Variants in LINGO2 observed in about 807,000 individuals in gnomAD.
The protein encoded by LINGO2 is leucine-rich repeat and immunoglobulin-like domain-containing nogo receptor-interacting protein 2.
A neutral mutation model predicts 30.6 loss-of-function variants in LINGO2; 14 were observed. The ratio of observed to expected loss-of-function variants is 0.46; its 90% CI spans 0.30 to 0.72. The LOEUF is 0.72. LINGO2 is among the 30% of genes least tolerant of loss of function. The probability of loss-of-function intolerance (pLI) is 0.07; values close to 1 mark genes in which losing one functional copy is unlikely to be tolerated. For synonymous variants in LINGO2, 317 were observed against 288.5 expected, an observed-to-expected ratio of 1.10 and a Z score of -1.00; for missense variants, 729 against 751.7, an observed-to-expected ratio of 0.97 and a Z score of 0.35.
chr9:28,275,790 CTA>C (rs745679568), intron 4 of LINGO2, among the ~76,000 whole-genome samples: 9 of 152,086 alleles, frequency 5.9e-5, no homozygotes, highest in Non-Finnish European at 1.0e-4. Context: ...AATGTTTTTT[CTA>C]TCTTTATGTA....
intron 4 of LINGO2, among the ~76,000 whole-genome samples, chr9:28,174,007 G>C (rs1828674477): frequency 6.6e-6 from 1 of 152,122 alleles, no homozygotes; most frequent in African/African-American, 2.4e-5. Flanking sequence ...GTTATATAAA[G>C]TTGAGGTCTT....
At chr9:28,621,893 A>G (rs1328502043) in intron 1 of LINGO2, among the ~76,000 whole-genome samples, 1 of 152,114 alleles carries the variant, frequency 6.6e-6, no homozygotes, top group Non-Finnish European at 1.5e-5. Flanking sequence ...AAAAATGCTA[A>G]TGATCACCTG....
chr9:28,271,879 A>G (rs1024506045), intron 4 of LINGO2, among the ~76,000 whole-genome samples: 29 of 152,204 alleles, frequency 1.9e-4, no homozygotes, highest in African/African-American at 7.0e-4. Flanking sequence ...AACAGTCCTT[A>G]TCTCAGGCCT....
chr9:28,957,529 C>T, the LINGO2 span, among the ~76,000 whole-genome samples: 2 of 152,230 alleles, frequency 1.3e-5, no homozygotes, highest in Non-Finnish European at 2.9e-5. Flanking sequence ...TGATTATTGT[C>T]TATCTCTTAA....
chr9:28,625,684 T>C (rs1211155302), intron 1 of LINGO2, among the ~76,000 whole-genome samples: 2 of 152,142 alleles, frequency 1.3e-5, no homozygotes, highest in African/African-American at 2.4e-5. Context: ...TTAAGTAGTA[T>C]TTCATTATGG....
chr9:28,662,351 C>CT (rs1389343654), intron 1 of LINGO2, among the ~76,000 whole-genome samples: 2 of 152,072 alleles, frequency 1.3e-5, no homozygotes, highest in Non-Finnish European at 2.9e-5. Context: ...GGAATTGATG[C>CT]TTTTTTATTA....
chr9:28,219,985 G>A (rs1820900208), intron 4 of LINGO2, among the ~76,000 whole-genome samples: 1 of 152,046 alleles, frequency 6.6e-6, no homozygotes, highest in African/African-American at 2.4e-5. Context: ...AACTAGGATG[G>A]TTACATGTAT....
At chr9:28,652,173 C>T (rs528970409) in intron 1 of LINGO2, among the ~76,000 whole-genome samples, 1 of 152,112 alleles carries the variant, frequency 6.6e-6, no homozygotes, top group Admixed American at 6.6e-5. Context: ...TCTCACTTCT[C>T]CCTCCCTAAT....
the LINGO2 span, among the ~76,000 whole-genome samples, chr9:29,145,691 A>T: frequency 1.3e-5 from 2 of 152,200 alleles, no homozygotes; most frequent in African/African-American, 4.8e-5. Flanking sequence ...TCAGTGTGAT[A>T]AATCATGAGT....
At chr9:28,533,721 G>A (rs1317833028) in intron 1 of LINGO2, among the ~76,000 whole-genome samples, 1 of 152,144 alleles carries the variant, frequency 6.6e-6, no homozygotes, top group Non-Finnish European at 1.5e-5. Flanking sequence ...AAGAAGGCTT[G>A]AATCTAGTGG....
intron 5 of LINGO2, among the ~76,000 whole-genome samples, chr9:27,972,710 G>A (rs1820414395): frequency 6.6e-6 from 1 of 152,178 alleles, no homozygotes; most frequent in South Asian, 2.1e-4. Context: ...TACCACAGGA[G>A]TCAGAAGTTA....
chr9:28,378,565 C>T (rs1237887299), intron 2 of LINGO2, among the ~76,000 whole-genome samples: 1 of 152,120 alleles, frequency 6.6e-6, no homozygotes, highest in Non-Finnish European at 1.5e-5. Flanking sequence ...TTCCAGACTT[C>T]CAGAAACTCT....
chr9:28,365,425 G>C (rs920019421), intron 3 of LINGO2, among the ~76,000 whole-genome samples: 13 of 152,280 alleles, frequency 8.5e-5, no homozygotes, highest in African/African-American at 3.1e-4. Context: ...CTGTGCTGCA[G>C]AGGCGACCCT....
At chr9:27,975,717 C>T (rs932654045) in intron 5 of LINGO2, among the ~76,000 whole-genome samples, 1 of 152,038 alleles carries the variant, frequency 6.6e-6, no homozygotes, top group Non-Finnish European at 1.5e-5. Flanking sequence ...TGGTTCAAAA[C>T]ACTGTTATGT....
chr9:29,000,284 T>C, the LINGO2 span, among the ~76,000 whole-genome samples: 4 of 151,946 alleles, frequency 2.6e-5, no homozygotes, highest in African/African-American at 9.7e-5. Flanking sequence ...CTATTCATTT[T>C]GTGAGAATAT....
chr9:29,046,308 A>T, the LINGO2 span, among the ~76,000 whole-genome samples: 1 of 152,174 alleles, frequency 6.6e-6, no homozygotes, highest in Non-Finnish European at 1.5e-5. Flanking sequence ...ATCCTAAGCA[A>T]AAAGAACAAA....
the LINGO2 span, among the ~76,000 whole-genome samples, chr9:28,877,866 G>C: frequency 6.6e-6 from 1 of 152,242 alleles, no homozygotes; most frequent in East Asian, 1.9e-4. Context: ...TCACGATATT[G>C]ATTCTTCCTA....
At chr9:29,187,807 TTA>T in the LINGO2 span, among the ~76,000 whole-genome samples, 1 of 148,450 alleles carries the variant, frequency 6.7e-6, no homozygotes, top group African/African-American at 2.5e-5. Context: ...TTTTTGCTTA[TTA>T]TGTCAGTTGG....
chr9:28,191,295 G>A (rs1587184818), intron 4 of LINGO2, among the ~76,000 whole-genome samples: 1 of 152,174 alleles, frequency 6.6e-6, no homozygotes, highest in Non-Finnish European at 1.5e-5. Flanking sequence ...TAGTAGGCCT[G>A]TATAAAACTG....
Sources: gnomAD v4.1 joint callset for allele counts (sites outside exome capture counted in the v4.1 genomes callset) on GRCh38, gnomAD v4.1.1 for gene constraint, MANE v1.5 for transcripts, NCBI Gene and HGNC (gene_info 2026-07-23, HGNC 2026-07-21) for gene names.